KMT5B: variants seen among roughly 807,000 people sequenced by gnomAD.
KMT5B encodes the protein histone-lysine N-methyltransferase KMT5B.
In KMT5B, 10 loss-of-function variants were observed where a neutral mutation model predicts 83.2. The observed-to-expected ratio is 0.12, with a 90% CI of 0.07 to 0.20. The LOEUF is 0.20. Ranked by LOEUF, KMT5B falls within the 10% of genes least tolerant of loss-of-function variation. The pLI is 1.00. For missense variants in KMT5B, 753 were observed against 1,067.2 expected (o/e 0.71, Z 4.10); for synonymous variants, 349 against 388.8 (o/e 0.90, Z 1.20).
At chr11:68,203,316 A>G (rs1323201081) in intron 1 of KMT5B, among the ~76,000 whole-genome samples, 4 of 152,226 alleles carry the variant, frequency 2.6e-5, no homozygotes, top group Non-Finnish European at 4.4e-5. Context: ...AAGACCAGAC[A>G]TAGGTCCATT....
intron 1 of KMT5B, among the ~76,000 whole-genome samples, chr11:68,204,773 C>T (rs1206169102): frequency 2.6e-5 from 4 of 151,970 alleles, no homozygotes; most frequent in Admixed American, 6.6e-5. Flanking sequence ...CCTGCTGCCA[C>T]GCCAGGCTAA....
At chr11:68,197,544 C>T (rs1232746281) in intron 1 of KMT5B, among the ~76,000 whole-genome samples, 1 of 152,182 alleles carries the variant, frequency 6.6e-6, no homozygotes, top group Non-Finnish European at 1.5e-5. Context: ...CAACAAATCA[C>T]TTTAGTAATA....
intron 10 of KMT5B, among the ~76,000 whole-genome samples, chr11:68,165,395 T>C (rs1156601122): frequency 6.6e-6 from 1 of 152,138 alleles, no homozygotes; most frequent in African/African-American, 2.4e-5. Context: ...TCCCAGCTAC[T>C]TGGGAGGCTG....
At chr11:68,174,925 T>A in intron 5 of KMT5B, 93 bp downstream of exon 5, 1 of 1,154,300 alleles carries the variant, frequency 8.7e-7, no homozygotes, top group Non-Finnish European at 1.2e-6. Flanking sequence ...AAAAATAAAT[T>A]TAAAATTTCA....
chr11:68,182,299 T>A (rs1353246928), intron 3 of KMT5B, among the ~76,000 whole-genome samples: 2 of 152,208 alleles, frequency 1.3e-5, no homozygotes, highest in African/African-American at 4.8e-5. Context: ...GACCTAGCTA[T>A]TCCAAGTGTA....
At chr11:68,193,593 T>C (rs567255355) in intron 1 of KMT5B, among the ~76,000 whole-genome samples, 9 of 152,326 alleles carry the variant, frequency 5.9e-5, no homozygotes, top group African/African-American at 2.2e-4. Flanking sequence ...CCCTTACTAT[T>C]TAAATTCGAT....
chr11:68,178,181 A>G (rs577850780), intron 4 of KMT5B, among the ~76,000 whole-genome samples: 16 of 152,232 alleles, frequency 1.1e-4, no homozygotes, highest in Non-Finnish European at 1.8e-4. Context: ...TACACGTTCA[A>G]TGTGAAAGTG....
chr11:68,166,092 G>A, intron 10 of KMT5B: 2 of 1,480,846 alleles, frequency 1.4e-6, no homozygotes, highest in Non-Finnish European at 1.8e-6. Context: ...CATACTTTCG[G>A]AATCGCCAAG....
intron 2 of KMT5B, among the ~76,000 whole-genome samples, chr11:68,188,226 G>A (rs111782527): frequency 0.011 from 1,622 of 151,404 alleles, 18 homozygotes; most frequent in Non-Finnish European, 0.017. Flanking sequence ...GGGTTTGACC[G>A]TATTAGCCAG....
chr11:68,199,828 C>T (rs1859201209), intron 1 of KMT5B, among the ~76,000 whole-genome samples: 1 of 152,144 alleles, frequency 6.6e-6, no homozygotes, highest in African/African-American at 2.4e-5. Context: ...GAAGGTTCCG[C>T]TGATAGTCGG....
chr11:68,166,027 C>G, intron 10 of KMT5B: 1 of 1,610,304 alleles, frequency 6.2e-7, no homozygotes, highest in Non-Finnish European at 8.5e-7. Flanking sequence ...ATCAGTATCT[C>G]AGAGGGCTCT....
intron 2 of KMT5B, among the ~76,000 whole-genome samples, chr11:68,188,537 T>C (rs1050628293): frequency 6.6e-6 from 1 of 152,064 alleles, no homozygotes; most frequent in African/African-American, 2.4e-5. Flanking sequence ...ACGGTAGTTT[T>C]TGTAGACACA....
chr11:68,166,810 A>G, intron 10 of KMT5B, 172 bp downstream of exon 10: 1 of 1,437,712 alleles, frequency 7.0e-7, no homozygotes, highest in Non-Finnish European at 9.1e-7. Flanking sequence ...GAGATGGGAT[A>G]CAGACTGTGC....
chr11:68,191,782 T>A (rs1349880285), intron 1 of KMT5B, among the ~76,000 whole-genome samples: 3 of 152,216 alleles, frequency 2.0e-5, no homozygotes, highest in Non-Finnish European at 4.4e-5. Context: ...CAAAATAAAT[T>A]TAGCGTAGCC....
At chr11:68,196,154 CTAAAA>C (rs889255982) in intron 1 of KMT5B, among the ~76,000 whole-genome samples, 1 of 151,940 alleles carries the variant, frequency 6.6e-6, no homozygotes, top group African/African-American at 2.4e-5. Flanking sequence ...AAGACCCTGT[CTAAAA>C]TAAAATAAAA....
chr11:68,201,767 A>G (rs1859469676), intron 1 of KMT5B, among the ~76,000 whole-genome samples: 1 of 152,046 alleles, frequency 6.6e-6, no homozygotes, highest in South Asian at 2.1e-4. Flanking sequence ...GAAAAAGAAA[A>G]GTCAATACAC....
At chr11:68,208,236 C>A (rs1009444733) in intron 1 of KMT5B, among the ~76,000 whole-genome samples, 1 of 151,674 alleles carries the variant, frequency 6.6e-6, no homozygotes, top group African/African-American at 2.4e-5. Flanking sequence ...GTCACGAGGT[C>A]AGGAGTTCAA....
intron 1 of KMT5B, among the ~76,000 whole-genome samples, chr11:68,205,883 G>A (rs972621420): frequency 6.6e-6 from 1 of 152,174 alleles, no homozygotes; most frequent in African/African-American, 2.4e-5. Flanking sequence ...GCCTCCCAAA[G>A]TGCTGGGATT....
intron 3 of KMT5B, among the ~76,000 whole-genome samples, chr11:68,184,575 G>A (rs1857254414): frequency 6.6e-6 from 1 of 152,144 alleles, no homozygotes; most frequent in Non-Finnish European, 1.5e-5. Context: ...CCCAACTACT[G>A]ATCAGTGACC....
Sources: allele counts gnomAD v4.1 joint callset (sites outside exome capture counted in the v4.1 genomes callset), GRCh38; gene constraint gnomAD v4.1.1; transcripts MANE v1.5; gene names NCBI Gene and HGNC (gene_info 2026-07-23, HGNC 2026-07-21).